RIMS2: variants seen among roughly 807,000 people sequenced by gnomAD.
RIMS2 encodes regulating synaptic membrane exocytosis protein 2.
RIMS2 carries 59 observed loss-of-function variants against 174.4 expected under a neutral mutation model. The observed-to-expected ratio is 0.34, with a 90% CI of 0.27 to 0.42. RIMS2 has a LOEUF of 0.42. Ranked by LOEUF, RIMS2 falls within the 10% of genes least tolerant of loss-of-function variation. The pLI, the probability that RIMS2 is intolerant of heterozygous loss-of-function variation, is 1.00. For synonymous variants in RIMS2, 606 were observed against 572.5 expected (o/e 1.06, Z -0.84); for missense variants, 1,620 against 1,666.3 (o/e 0.97, Z 0.48).
At chr8:104,064,641 A>G (rs1200307495) in intron 19 of RIMS2, among the ~76,000 whole-genome samples, 2 of 152,064 alleles carry the variant, frequency 1.3e-5, no homozygotes, top group African/African-American at 4.8e-5. Context: ...GAAACAAGAT[A>G]TTTATGAAAC....
At position 103,565,275 on chromosome 8, in the gene RIMS2, G is replaced by C. The variant is rs570770937; in HGVS notation, c.176+64213G>C. Among the ~76,000 whole-genome samples the C allele has an allele frequency of 2.0e-5, 3 of 152,132 alleles. No individual in the cohort carries two copies. The East Asian group carries it at 5.8e-4, about 29-fold the overall frequency. Reference sequence around the variant, plus strand: ...TGTAAATGTACTAAAGTTAAGGAGGGAGGGAGAAGGAAATCTGATTTTGTG... The same window carrying C: ...TGTAAATGTACTAAAGTTAAGGAGGCAGGGAGAAGGAAATCTGATTTTGTG... On this transcript the variant is annotated intron_variant, in intron 1 of 23. Transcript: ENST00000504942.
At chr8:103,803,126 G>A (rs983220395) in intron 3 of RIMS2, among the ~76,000 whole-genome samples, 3 of 152,036 alleles carry the variant, frequency 2.0e-5, no homozygotes, top group African/African-American at 7.2e-5. Flanking sequence ...TAAGGACGTA[G>A]CTCATGGAAT....
chr8:103,851,679 AC>A (rs1776787853), intron 3 of RIMS2, among the ~76,000 whole-genome samples: 5 of 150,930 alleles, frequency 3.3e-5, no homozygotes, highest in Admixed American at 2.0e-4. Flanking sequence ...ACACACACAC[AC>A]ACACACACAC....
intron 3 of RIMS2, among the ~76,000 whole-genome samples, chr8:103,875,751 A>G (rs1337659360): frequency 6.6e-6 from 1 of 152,008 alleles, no homozygotes; most frequent in Non-Finnish European, 1.5e-5. Flanking sequence ...TTCCATTTTC[A>G]GCACATTTGT....
chr8:104,200,732 C>A (rs1362592717), intron 19 of RIMS2, among the ~76,000 whole-genome samples: 1 of 151,990 alleles, frequency 6.6e-6, no homozygotes, highest in African/African-American at 2.4e-5. Context: ...ATGGTGAAAC[C>A]CAATCTCTAC....
At chr8:104,184,492 C>CA (rs1394997374) in intron 19 of RIMS2, among the ~76,000 whole-genome samples, 1 of 151,432 alleles carries the variant, frequency 6.6e-6, no homozygotes, top group African/African-American at 2.4e-5. Context: ...GATATCTAAA[C>CA]AATGTTTTTA....
At chr8:103,951,552 TA>T (rs2085368332) in intron 14 of RIMS2, among the ~76,000 whole-genome samples, 1 of 152,192 alleles carries the variant, frequency 6.6e-6, no homozygotes, top group South Asian at 2.1e-4. Flanking sequence ...TTAGGGACTG[TA>T]CCTTGGACTC....
intron 3 of RIMS2, among the ~76,000 whole-genome samples, chr8:103,853,806 T>C (rs771668881): frequency 6.6e-5 from 10 of 152,156 alleles, no homozygotes; most frequent in Non-Finnish European, 1.5e-4. Context: ...TAGTTTGAAG[T>C]CAGGTAGTGT....
chr8:103,652,258 T>C (rs1352817365), intron 1 of RIMS2, 21 bp downstream of exon 2: 2 of 1,329,304 alleles, frequency 1.5e-6, no homozygotes, highest in Admixed American at 3.8e-5. Flanking sequence ...GTATTAAGAG[T>C]GTAGTAGGCT....
chr8:104,197,209 C>G (rs1486722555), intron 19 of RIMS2, among the ~76,000 whole-genome samples: 7 of 136,906 alleles, frequency 5.1e-5, no homozygotes, highest in African/African-American at 1.9e-4. Flanking sequence ...AAGTTTTGCT[C>G]TTGTTGCCCA....
chr8:104,199,834 G>C (rs574463758), intron 19 of RIMS2, among the ~76,000 whole-genome samples: 2 of 152,274 alleles, frequency 1.3e-5, no homozygotes, highest in East Asian at 1.9e-4. Context: ...ACTGGGTGGC[G>C]CTGGAAATGC....
chr8:103,952,405 G>C (rs2085704619), intron 14 of RIMS2, among the ~76,000 whole-genome samples: 1 of 152,196 alleles, frequency 6.6e-6, no homozygotes, highest in Non-Finnish European at 1.5e-5. Flanking sequence ...AAAGCTTCCA[G>C]AGGAAGGAAC....
intron 4 of RIMS2, among the ~76,000 whole-genome samples, chr8:103,902,483 G>T (rs1341932104): frequency 2.0e-5 from 3 of 152,094 alleles, no homozygotes; most frequent in Non-Finnish European, 2.9e-5. Context: ...TCTGCACAGT[G>T]TCCAACAGTT....
chr8:103,790,870 T>G (rs1457206621), intron 3 of RIMS2, among the ~76,000 whole-genome samples: 1 of 152,152 alleles, frequency 6.6e-6, no homozygotes, highest in Non-Finnish European at 1.5e-5. Flanking sequence ...TTTATTAAAG[T>G]ATGGTGTTAG....
At chr8:104,241,769 T>A (rs1041164085) in intron 19 of RIMS2, among the ~76,000 whole-genome samples, 1 of 152,132 alleles carries the variant, frequency 6.6e-6, no homozygotes, top group African/African-American at 2.4e-5. Context: ...TGTTTGTTTG[T>A]TTGTTTTTGA....
At chr8:104,208,366 G>A (rs978288798) in intron 19 of RIMS2, among the ~76,000 whole-genome samples, 2 of 151,986 alleles carry the variant, frequency 1.3e-5, no homozygotes, top group African/African-American at 2.4e-5. Context: ...TCAGGAGTTC[G>A]AGACCAGCCT....
chr8:103,746,626 A>T (rs1161591522), intron 2 of RIMS2, among the ~76,000 whole-genome samples: 1 of 151,776 alleles, frequency 6.6e-6, no homozygotes, highest in Non-Finnish European at 1.5e-5. Flanking sequence ...CTGAAAGGCC[A>T]CAGTGTGTGT....
At chr8:103,636,650 A>G (rs1329809065) in intron 1 of RIMS2, among the ~76,000 whole-genome samples, 1 of 152,060 alleles carries the variant, frequency 6.6e-6, no homozygotes, top group South Asian at 2.1e-4. Flanking sequence ...TTTCAGTGCA[A>G]GTACCTGGAT....
intron 19 of RIMS2, among the ~76,000 whole-genome samples, chr8:104,079,239 G>T (rs1338961143): frequency 6.6e-6 from 1 of 152,024 alleles, no homozygotes; most frequent in African/African-American, 2.4e-5. Context: ...ATAAGTTGCA[G>T]GCAGCTACTT....
Sources: gnomAD v4.1 joint callset for allele counts (sites outside exome capture counted in the v4.1 genomes callset) on GRCh38, gnomAD v4.1.1 for gene constraint, MANE v1.5 for transcripts, NCBI Gene and HGNC (gene_info 2026-07-23, HGNC 2026-07-21) for gene names.